ZNF771: variants seen among roughly 807,000 people sequenced by gnomAD.
ZNF771 encodes the protein mesenchymal stem cell protein DSC43.
ZNF771 carries 10 observed loss-of-function variants against 27.6 expected under a neutral mutation model. That is an observed-to-expected ratio of 0.36 (90% CI 0.22 to 0.61). ZNF771 has a LOEUF of 0.61. ZNF771 is among the 20% of genes least tolerant of loss of function. The probability of loss-of-function intolerance (pLI) is 0.70; values close to 1 mark genes in which losing one functional copy is unlikely to be tolerated. For synonymous variants in ZNF771, 261 were observed against 225.2 expected, an observed-to-expected ratio of 1.16 and a Z score of -1.43; for missense variants, 438 against 503.7, an observed-to-expected ratio of 0.87 and a Z score of 1.25.
rs548401079 is a variant in ZNF771 at position 30,408,149 on chromosome 16, G to T, written c.96G>T (p.Glu32Asp). 3 of 1,613,180 alleles carry T rather than the reference G, an allele frequency of 1.9e-6. No individual in the cohort carries two copies. The highest frequency in any genetic ancestry group is 4.5e-5 in the East Asian group (2 of 44,868). ...LVKGEEDEGE[E>D]KYEVVKLKIP... Reference sequence around the variant, plus strand: ...AGGGTGAGGAGGATGAGGGTGAGGAGAAGTATGAGGTGGTGAAACTCAAGA... The same window carrying T: ...AGGGTGAGGAGGATGAGGGTGAGGATAAGTATGAGGTGGTGAAACTCAAGA... The change falls in exon 2 of 3, where the codon GAG becomes GAT. Residue 32 changes from glutamate to aspartate, a missense_variant. Physicochemically the swap from Glu to Asp is conservative, Grantham distance 45. Transcript: ENST00000319296.
At chr16:30,415,942 C>T (rs918557463) in intron 2 of ZNF771, among the ~76,000 whole-genome samples, 2 of 152,200 alleles carry the variant, frequency 1.3e-5, no homozygotes, top group African/African-American at 4.8e-5. Context: ...GTTTTCCCTT[C>T]ATGTGCCTCT....
intron 2 of ZNF771, among the ~76,000 whole-genome samples, chr16:30,414,946 CTTTTTTTTTT>C (rs71149016): frequency 2.3e-3 from 134 of 59,460 alleles, no homozygotes; most frequent in African/African-American, 7.6e-3. Context: ...CGCCCGGCCT[CTTTTTTTTTT>C]TTTTTTTTTT....
In ZNF771 at chr16:30,418,424, G is replaced by T; in HGVS notation, c.*57G>T. Reference sequence around the variant, plus strand: ...GCTTCGACCTGGCTGCACTAACCCAGGCTCCTCCTCGCCCCGGCCTCCGGG... The same window carrying T: ...GCTTCGACCTGGCTGCACTAACCCATGCTCCTCCTCGCCCCGGCCTCCGGG... On this transcript the variant is annotated 3_prime_UTR_variant, in exon 3 of 3. Transcript: ENST00000319296. 1 of 1,344,650 alleles carries T rather than the reference G, an allele frequency of 7.4e-7. No individual in the cohort carries two copies. Among genetic ancestry groups the T allele is most frequent in the South Asian group, 1.8e-5 (1 of 56,068 alleles). The allele number at this position is 1,344,650 out of a possible 1,614,324, so 83.3% of individuals were successfully genotyped here.
At chr16:30,415,421 G>A (rs1431800943) in intron 2 of ZNF771, among the ~76,000 whole-genome samples, 4 of 126,152 alleles carry the variant, frequency 3.2e-5, no homozygotes, top group Admixed American at 2.9e-4. Flanking sequence ...GAGTCTTGCC[G>A]TCACCTAGGC....
chr16:30,417,921 A>T lies in ZNF771; in HGVS notation c.508A>T (p.Thr170Ser). The T allele has an allele frequency of 2.6e-6, 4 of 1,518,700 alleles. No individual in the cohort carries two copies. Among genetic ancestry groups the T allele is most frequent in the Non-Finnish European group, 3.5e-6 (4 of 1,143,140 alleles). The allele number at this position is 1,518,700 out of a possible 1,614,324, so 94.1% of individuals were successfully genotyped here. ...CTACGCACAGCACCTGCGCGTGCAC[A>T]CGGGCGAGAAGCCGTACGCGTGCCC... ...SNYAQHLRVH[T>S]GEKPYACPDC... is the part of the protein sequence containing the mutation. Residue 170 changes from threonine (T) to serine (S), a missense_variant, in exon 3 of 3, where the codon ACG (threonine) becomes TCG (serine). Around this residue, in one of 3 missense-constraint regions of ZNF771, gnomAD observed 305 missense variants for 308.0 expected, o/e 0.99. Transcript: ENST00000319296.
At position 30,418,144 on chromosome 16, in the gene ZNF771, C is replaced by A; in HGVS notation, c.731C>A (p.Ser244Tyr). The A allele has an allele frequency of 2.0e-6, 3 of 1,478,572 alleles. No homozygotes were observed. The highest frequency in any genetic ancestry group is 2.7e-6 in the Non-Finnish European group (3 of 1,121,530). The allele number at this position is 1,478,572 out of a possible 1,614,324, so 91.6% of individuals were successfully genotyped here. The change falls in exon 3 of 3, where the codon TCC becomes TAC. Residue 244 changes from serine (S) to tyrosine (Y), a missense_variant. Physicochemically the swap from Ser to Tyr is moderately radical, Grantham distance 144. Coordinates refer to ENST00000319296, the MANE Select transcript of ZNF771 (RefSeq NM_001142305.2). Reference sequence around the variant, plus strand: ...TGTGGCCGTCGCTTCGGCCACCGCTCCAACCTGGCGGAGCACGCGCGCACG... The same window carrying A: ...TGTGGCCGTCGCTTCGGCCACCGCTACAACCTGGCGGAGCACGCGCGCACG... ...AVCGRRFGHRSNLAEHARTHT... is the reference protein window; with the variant it reads ...AVCGRRFGHRYNLAEHARTHT...
Position 30,418,063 on chromosome 16 carries a change from C to T in ZNF771, c.650C>T (p.Ala217Val). Residue 217 changes from alanine (A) to valine (V), a missense_variant, in exon 3 of 3, where the codon GCG (alanine) becomes GTG (valine). Around this residue, in one of 3 missense-constraint regions of ZNF771, gnomAD observed 305 missense variants for 308.0 expected, o/e 0.99. Transcript: ENST00000319296. Reference protein sequence around the residue: ...DCGTRFAQSSALAKHRRVHTG... With the variant: ...DCGTRFAQSSVLAKHRRVHTG... ...GGCACGCGCTTCGCTCAGAGCTCGG[C>T]GCTGGCCAAGCACCGGCGCGTGCAC... 6.8e-7 allele frequency: 1 copy of T among 1,466,814 alleles called. No individual in the cohort carries two copies. The highest frequency in any genetic ancestry group is 8.9e-7 in the Non-Finnish European group (1 of 1,117,678). The allele number at this position is 1,466,814 out of a possible 1,614,324, so 90.9% of individuals were successfully genotyped here. A position where few individuals can be genotyped will look rare whatever the true frequency, so the allele number is the denominator to read the frequency against.
Position 30,408,214 on chromosome 16 carries a change from T to A in ZNF771, c.141+20T>A. The A allele has an allele frequency of 6.2e-7, 1 of 1,613,628 alleles. No homozygotes were observed. Among genetic ancestry groups the A allele is most frequent in the Non-Finnish European group, 8.5e-7 (1 of 1,179,676 alleles). The stretch of plus-strand genomic sequence containing the variant: ...AAGGAGGTATGTGTCACACACACCC[T>A]GGGGCACACTGTCCCCAAACCTGGT... On this transcript the variant is annotated intron_variant, in intron 2 of 2. Coordinates refer to ENST00000319296, the MANE Select transcript of ZNF771 (RefSeq NM_001142305.2).
At chr16:30,415,899 T>A (rs1422215775) in intron 2 of ZNF771, among the ~76,000 whole-genome samples, 1 of 152,180 alleles carries the variant, frequency 6.6e-6, no homozygotes, top group African/African-American at 2.4e-5. Context: ...GGGAGCAATA[T>A]GCCCTCAATA....
intron 2 of ZNF771, among the ~76,000 whole-genome samples, chr16:30,414,934 C>T (rs1345646383): frequency 4.8e-5 from 7 of 145,436 alleles, no homozygotes; most frequent in African/African-American, 1.0e-4. Flanking sequence ...CGTGAGCCAC[C>T]GCGCCCGGCC....
At position 30,418,309 on chromosome 16, in the gene ZNF771, C is replaced by T. The variant is rs1392491342; in HGVS notation, c.896C>T (p.Pro299Leu). The T allele has an allele frequency of 2.0e-5, 30 of 1,490,584 alleles. No individual in the cohort carries two copies. Among genetic ancestry groups the T allele is most frequent in the Non-Finnish European group, 2.4e-5 (27 of 1,124,902 alleles). 92.3% of individuals were successfully genotyped at this position (1,490,584 alleles called of 1,614,324 possible). A position where few individuals can be genotyped will look rare whatever the true frequency, so the allele number is the denominator to read the frequency against. ...GGCTGCGGCAGGGACTTCAAGCTGC[C>T]CCCTGGCGCCACGGCCGCCACTGCC... is the stretch of plus-strand genomic sequence containing the variant. ...CAGCGRDFKL[P>L]PGATAATATE... The change falls in exon 3 of 3, where the codon CCC (proline) becomes CTC (leucine). Residue 299 changes from proline to leucine, a missense_variant. Around this residue, in one of 3 missense-constraint regions of ZNF771, gnomAD observed 305 missense variants for 308.0 expected, o/e 0.99. Transcript: ENST00000319296.
At chr16:30,407,992 G>C (rs1336187135) in intron 1 of ZNF771, 53 bp from the exon 2 acceptor site, 7 of 908,980 alleles carry the variant, frequency 7.7e-6, no homozygotes, top group African/African-American at 3.6e-5. Flanking sequence ...GTGGGCGGGG[G>C]GGGGGGTGGG....
At position 30,417,816 on chromosome 16, in the gene ZNF771, C is replaced by T; in HGVS notation, c.403C>T (p.Arg135Trp). The T allele has an allele frequency of 2.0e-6, 3 of 1,494,078 alleles. No individual in the cohort carries two copies. Among genetic ancestry groups the T allele is most frequent in the South Asian group, 1.3e-5 (1 of 79,922 alleles). The allele number at this position is 1,494,078 out of a possible 1,614,324, so 92.6% of individuals were successfully genotyped here. The change falls in exon 3 of 3, where the codon CGG (arginine) becomes TGG (tryptophan). Residue 135 changes from arginine (R) to tryptophan (W), a missense_variant. Physicochemically the swap from Arg to Trp is moderately radical, Grantham distance 101. Around this residue, in one of 3 missense-constraint regions of ZNF771, gnomAD observed 305 missense variants for 308.0 expected, o/e 0.99. Transcript: ENST00000319296. The stretch of plus-strand genomic sequence containing the variant: ...ACGCTTCTCGGCCGCCTCGAACCTG[C>T]GGCAGCACCGGCGGCGGCACACGGG... The part of the protein sequence containing the change: ...DKRFSAASNL[R>W]QHRRRHTGEK...
chr16:30,414,537 T>C (rs892239717), intron 2 of ZNF771: 15 of 152,200 alleles, frequency 9.9e-5, no homozygotes, highest in African/African-American at 3.6e-4. Context: ...ATAACATACA[T>C]AGTGTTGTCA....
chr16:30,408,293 A>G, intron 2 of ZNF771, 99 bp downstream of exon 2: 1 of 1,535,466 alleles, frequency 6.5e-7, no homozygotes, highest in East Asian at 2.3e-5. Context: ...TACTTTTCCC[A>G]GAATCTCGGA....
chr16:30,408,501 G>T (rs1032374392), intron 2 of ZNF771, among the ~76,000 whole-genome samples: 4 of 152,188 alleles, frequency 2.6e-5, no homozygotes, highest in African/African-American at 9.7e-5. Flanking sequence ...GGTACAGGGG[G>T]ATGATGAAGC....
rs572681548 is a variant in ZNF771, at chr16:30,410,381, G to A, written c.141+2187G>A. On this transcript the variant is annotated intron_variant, in intron 2 of 2. Transcript: ENST00000319296. ...CTCCCAAAGTGTTGGGATTACAGGC[G>A]TGAGCCACCACGCCTGGCTCAACTC... 2.9e-4 allele frequency among the ~76,000 whole-genome samples: 44 copies of A among 152,246 alleles called. No homozygotes were observed. In the South Asian group the frequency reaches 8.5e-3, roughly 29 times the overall value.
chr16:30,415,382 CTTT>C (rs397854803), intron 2 of ZNF771, among the ~76,000 whole-genome samples: 4 of 132,218 alleles, frequency 3.0e-5, no homozygotes, highest in African/African-American at 5.8e-5. Context: ...TGCTGTCACC[CTTT>C]TTTTTTTTTT....
intron 1 of ZNF771, among the ~76,000 whole-genome samples, 170 bp downstream of exon 1, chr16:30,407,834 G>A (rs2050083525): frequency 6.6e-6 from 1 of 152,096 alleles, no homozygotes. Context: ...GCTGGGATGA[G>A]TGGGGTGAAC....
Sources: allele counts gnomAD v4.1 joint callset (sites outside exome capture counted in the v4.1 genomes callset), GRCh38; gene constraint gnomAD v4.1.1; regional missense constraint gnomAD v4.1.1; transcripts MANE v1.5; gene names NCBI Gene and HGNC (gene_info 2026-07-23, HGNC 2026-07-21).